The following MAP3K15 variants were observed in gnomAD, a reference collection of about 807,000 sequenced individuals.
The protein encoded by MAP3K15 is MAPK/ERK kinase kinase 15.
A neutral mutation model predicts 99.5 loss-of-function variants in MAP3K15; 124 were observed. The observed-to-expected ratio is 1.25, with a 90% CI of 1.08 to 1.45. The LOEUF (loss-of-function observed/expected upper bound fraction) is 1.45. MAP3K15 is among the 40% of genes most tolerant of loss of function. The pLI is 0.00. For synonymous variants in MAP3K15, 494 were observed against 439.6 expected, an observed-to-expected ratio of 1.12 and a Z score of -1.55; for missense variants, 1,242 against 1,079.7, an observed-to-expected ratio of 1.15 and a Z score of -2.11.
rs138155842 is a variant in MAP3K15, at chrX:19,392,580, A to G, written c.2195-107T>C. 8.3e-3 allele frequency: 6,489 copies of G among 784,172 alleles called. 289 individuals are homozygous for G. In the African/African-American group the frequency reaches 0.12, roughly 15 times the overall value. 64.6% of individuals were successfully genotyped at this position (784,172 alleles called of 1,213,427 possible). On this transcript the variant is annotated intron_variant, in intron 16 of 28. Transcript: ENST00000338883. Reference sequence around the variant, plus strand: ...CTAACCTAACCTAAGTGCTTACACCAACACCATCGGATCTGGGCTAAATGC... The same window carrying G: ...CTAACCTAACCTAAGTGCTTACACCGACACCATCGGATCTGGGCTAAATGC...
intron 3 of MAP3K15, chrX:19,481,815 C>A (rs1048318603): frequency 1.2e-4 from 13 of 111,560 alleles, no homozygotes; most frequent in African/African-American, 4.2e-4. Context: ...GGACCTCTCA[C>A]TGCTGGTGGA....
At chrX:19,495,013 TTTTG>T (rs1257432079) in intron 1 of MAP3K15, among the ~76,000 whole-genome samples, 3 of 111,246 alleles carry the variant, frequency 2.7e-5, no homozygotes, top group Non-Finnish European at 3.8e-5. Context: ...TTGTGAAGTG[TTTTG>T]TTTGTTTGTT....
rs66666219 is a variant in MAP3K15, at chrX:19,461,992, A to AACACAC, written c.720-1845_720-1840dup. On this transcript the variant is annotated intron_variant, in intron 4 of 28. Coordinates refer to ENST00000338883, the MANE Select transcript of MAP3K15 (RefSeq NM_001001671.4). ...GGCGACAGAGTGAGACTTGGTCTAA[A>AACACAC]ACACACACACACACACACACACACA... Among the ~76,000 whole-genome samples, 724 of 100,572 alleles carry AACACAC rather than the reference A, an allele frequency of 7.2e-3. 8 individuals carry two copies. Among genetic ancestry groups the AACACAC allele is most frequent in the African/African-American group, 0.024 (636 of 26,562 alleles). The allele number at this position is 100,572 out of a possible 115,157, so 87.3% of individuals were successfully genotyped here. A position where few individuals can be genotyped will look rare whatever the true frequency, so the allele number is the denominator to read the frequency against.
intron 9 of MAP3K15, among the ~76,000 whole-genome samples, chrX:19,421,201 G>A (rs755770942): frequency 1.3e-3 from 145 of 110,751 alleles, no homozygotes; most frequent in African/African-American, 4.6e-3. Context: ...GGCAGGAGAA[G>A]GAAATAAAGG....
intron 8 of MAP3K15, 83 bp from the exon 9 acceptor site, chrX:19,425,773 C>T (rs1569221048): frequency 3.2e-6 from 3 of 937,695 alleles, no homozygotes; most frequent in East Asian, 6.5e-5. Context: ...TTTATTTTGG[C>T]TGCTGTCTCA....
intron 19 of MAP3K15, among the ~76,000 whole-genome samples, chrX:19,379,473 A>G (rs112588626): frequency 0.011 from 735 of 65,657 alleles, 22 homozygotes; most frequent in African/African-American, 0.045. Flanking sequence ...TTTTTGAGGT[A>G]GTGTCTTGCT....
At chrX:19,401,546 T>C (rs1375932460) in intron 13 of MAP3K15, among the ~76,000 whole-genome samples, 2 of 111,431 alleles carry the variant, frequency 1.8e-5, no homozygotes, top group Non-Finnish European at 3.8e-5. Context: ...GGGGATCTAA[T>C]CAATGCTAAG....
intron 18 of MAP3K15, among the ~76,000 whole-genome samples, chrX:19,382,448 A>G (rs943807090): frequency 1.5e-4 from 17 of 111,656 alleles, no homozygotes; most frequent in African/African-American, 5.5e-4. Flanking sequence ...GGTAGTCACT[A>G]GCCTCATATA....
intron 2 of MAP3K15, among the ~76,000 whole-genome samples, 165 bp from the exon 3 acceptor site, chrX:19,486,670 A>G (rs1270926818): frequency 9.0e-6 from 1 of 111,499 alleles, no homozygotes; most frequent in East Asian, 2.8e-4. Context: ...CTCCCTCTCC[A>G]AAAGCTTCAA....
rs758307079 is a variant in MAP3K15, at chrX:19,391,910, G to A, written c.2431+92C>T. 6.9e-5 allele frequency: 39 copies of A among 563,200 alleles called. No homozygotes were observed. In the South Asian group the frequency reaches 1.1e-3, roughly 16 times the overall value. 46.4% of individuals were successfully genotyped at this position (563,200 alleles called of 1,213,427 possible). A position where few individuals can be genotyped will look rare whatever the true frequency, so the allele number is the denominator to read the frequency against. ...TCAATTGCTCACTCTGCTCAGAAAA[G>A]GTGCTCACTAAGTAACGGCTGAACA... On this transcript the variant is annotated intron_variant, in intron 18 of 28. Transcript: ENST00000338883.
At chrX:19,451,294 AAG>A (rs199513597) in intron 6 of MAP3K15, among the ~76,000 whole-genome samples, 1,294 of 94,894 alleles carry the variant, frequency 0.014, 54 homozygotes, top group African/African-American at 0.059. Context: ...AAAAAAAAAA[AAG>A]AAGAAGATCA....
chrX:19,454,220 A>C (rs2064076509), intron 6 of MAP3K15, among the ~76,000 whole-genome samples: 2 of 111,933 alleles, frequency 1.8e-5, no homozygotes, highest in African/African-American at 6.5e-5. Context: ...AAGATGCTGG[A>C]AGTAGAATAT....
chrX:19,488,400 C>T (rs1490466204), intron 2 of MAP3K15, among the ~76,000 whole-genome samples: 4 of 111,872 alleles, frequency 3.6e-5, no homozygotes, highest in Admixed American at 9.5e-5. Flanking sequence ...CTGTCCATTT[C>T]GGTAACTGTT....
At chrX:19,468,602 TAAG>T (rs2064185057) in intron 3 of MAP3K15, among the ~76,000 whole-genome samples, 1 of 112,025 alleles carries the variant, frequency 8.9e-6, no homozygotes, top group Admixed American at 9.5e-5. Flanking sequence ...GTGTGCCCTT[TAAG>T]AAGTGACATC....
rs1021740857 is a variant in MAP3K15, at chrX:19,450,096, C to G, written c.995+6817G>C. 3.7e-5 allele frequency among the ~76,000 whole-genome samples: 4 copies of G among 109,571 alleles called. No individual in the cohort carries two copies. The Admixed American group carries it at 3.9e-4, about 11-fold the overall frequency. On this transcript the variant is annotated intron_variant, in intron 6 of 28. Coordinates refer to ENST00000338883, the MANE Select transcript of MAP3K15 (RefSeq NM_001001671.4). ...ACCAACGTTTGAGGAGGTTAAATTA[C>G]TTGACCACGGCCATAACAATAAAGT...
chrX:19,380,354 G>A lies in MAP3K15; in HGVS notation c.2432-77C>T, dbSNP rs146853879. 4,129 of 1,055,443 alleles carry A rather than the reference G, an allele frequency of 3.9e-3. 68 individuals carry two copies. In the African/African-American group the frequency reaches 0.057, roughly 15 times the overall value. The allele number at this position is 1,055,443 out of a possible 1,213,427, so 87.0% of individuals were successfully genotyped here. A position where few individuals can be genotyped will look rare whatever the true frequency, so the allele number is the denominator to read the frequency against. ...AAGTGGCCTGTAGTCCCAGCTACTC[G>A]GGAGGCTGAGGCAGGAGGATCACCT... is the stretch of plus-strand genomic sequence containing the variant. On this transcript the variant is annotated intron_variant, in intron 18 of 28. Coordinates refer to ENST00000338883, the MANE Select transcript of MAP3K15 (RefSeq NM_001001671.4).
chrX:19,369,002 C>T, intron 25 of MAP3K15, 52 bp downstream of exon 25: 2 of 1,110,046 alleles, frequency 1.8e-6, no homozygotes. Flanking sequence ...CTTGGTGGCT[C>T]AGGCCACTGT....
chrX:19,467,467 C>T (rs1401125000), intron 3 of MAP3K15, among the ~76,000 whole-genome samples: 1 of 111,195 alleles, frequency 9.0e-6, no homozygotes, highest in Non-Finnish European at 1.9e-5. Context: ...AAGCTCTACC[C>T]TAGGCAAAAC....
Position 19,369,247 on chromosome X carries a change from G to A in MAP3K15, c.3401-28C>T, listed in dbSNP as rs374399935. The A allele has an allele frequency of 6.0e-5, 73 of 1,208,817 alleles. No individual in the cohort carries two copies. In the African/African-American group the frequency reaches 1.3e-3, roughly 21 times the overall value. On this transcript the variant is annotated intron_variant, in intron 24 of 28. Coordinates refer to ENST00000338883, the MANE Select transcript of MAP3K15 (RefSeq NM_001001671.4). ...GCAAATCACACAAGACATGACAATGGTGAGCAAACCAGGCCAGTGGGGCCT... is the reference window on the plus strand; with the variant it reads ...GCAAATCACACAAGACATGACAATGATGAGCAAACCAGGCCAGTGGGGCCT...
Sources: gnomAD v4.1 joint callset for allele counts (sites outside exome capture counted in the v4.1 genomes callset) on GRCh38, gnomAD v4.1.1 for gene constraint, MANE v1.5 for transcripts, NCBI Gene and HGNC (gene_info 2026-07-23, HGNC 2026-07-21) for gene names.